MGAT4C: variants seen among roughly 807,000 people sequenced by gnomAD.
The protein encoded by MGAT4C is alpha-1,3-mannosyl-glycoprotein 4-beta-N-acetylglucosaminyltransferase C.
MGAT4C carries 19 observed loss-of-function variants against 40.1 expected under a neutral mutation model. The ratio of observed to expected loss-of-function variants is 0.47; its 90% CI spans 0.33 to 0.70. MGAT4C has a LOEUF of 0.70. Among genes scored for constraint, MGAT4C ranks in the 30% least tolerant of loss-of-function variants. MGAT4C has a pLI of 0.02. For synonymous variants in MGAT4C, 181 were observed against 187.1 expected, an observed-to-expected ratio of 0.97 and a Z score of 0.27; for missense variants, 491 against 563.2, an observed-to-expected ratio of 0.87 and a Z score of 1.30.
Position 86,552,123 on chromosome 12 carries a change from G to A in MGAT4C, c.-228-116858C>T, listed in dbSNP as rs547308254. 2.6e-3 allele frequency among the ~76,000 whole-genome samples: 391 copies of A among 150,114 alleles called. 1 individual carries two copies. The highest frequency in any genetic ancestry group is 0.014 in the Middle Eastern group (4 of 280). ...CATAAGGAAAAATACAAAATTCAAGGAAAAGAATTTATTGTAATAATCTGA... is the reference window on the plus strand; with the variant it reads ...CATAAGGAAAAATACAAAATTCAAGAAAAAGAATTTATTGTAATAATCTGA... On this transcript the variant is annotated intron_variant, in intron 2 of 7. Coordinates refer to the MGAT4C transcript ENST00000548651.
intron 1 of MGAT4C, among the ~76,000 whole-genome samples, chr12:86,185,186 T>C (rs1480730172): frequency 6.6e-6 from 1 of 152,206 alleles, no homozygotes; most frequent in Non-Finnish European, 1.5e-5. Flanking sequence ...CCTTTCCTCC[T>C]TTTGTGTGAC....
At chr12:86,625,496 T>A (rs1005788951) in intron 2 of MGAT4C, among the ~76,000 whole-genome samples, 42 of 152,018 alleles carry the variant, frequency 2.8e-4, no homozygotes, top group African/African-American at 9.9e-4. Flanking sequence ...CTAGAGGGGA[T>A]CAACAATAGC....
intron 2 of MGAT4C, among the ~76,000 whole-genome samples, chr12:86,639,658 C>A (rs897719296): frequency 6.6e-6 from 1 of 151,632 alleles, no homozygotes; most frequent in Non-Finnish European, 1.5e-5. Flanking sequence ...TATCATTTTA[C>A]AATTATCTGG....
intron 1 of MGAT4C, among the ~76,000 whole-genome samples, chr12:86,774,269 T>G (rs1163571081): frequency 2.3e-5 from 3 of 129,280 alleles, no homozygotes; most frequent in Admixed American, 7.7e-5. Context: ...AAAAAGTAAC[T>G]TCTAAGGCTT....
chr12:86,154,544 A>G (rs756002005), intron 1 of MGAT4C, among the ~76,000 whole-genome samples: 1 of 152,062 alleles, frequency 6.6e-6, no homozygotes, highest in African/African-American at 2.4e-5. Flanking sequence ...TGCTTCTTGT[A>G]ACTTCTTTTG....
intron 4 of MGAT4C, among the ~76,000 whole-genome samples, chr12:86,324,773 G>C (rs1049845111): frequency 6.6e-6 from 1 of 151,440 alleles, no homozygotes; most frequent in African/African-American, 2.4e-5. Flanking sequence ...TTTGCTCTCT[G>C]CCCCAGATTT....
chr12:86,750,186 T>C (rs1338659872), intron 1 of MGAT4C, among the ~76,000 whole-genome samples: 1 of 151,768 alleles, frequency 6.6e-6, no homozygotes, highest in African/African-American at 2.4e-5. Context: ...AATCCTTTCA[T>C]AAGAACTAAA....
chr12:86,262,238 A>G (rs928201792), intron 4 of MGAT4C, among the ~76,000 whole-genome samples: 2 of 152,024 alleles, frequency 1.3e-5, no homozygotes, highest in African/African-American at 2.4e-5. Context: ...AGTTGTTTCT[A>G]CCTGGAATGC....
intron 2 of MGAT4C, among the ~76,000 whole-genome samples, chr12:86,449,860 G>T (rs1957395591): frequency 6.6e-6 from 1 of 151,980 alleles, no homozygotes; most frequent in Admixed American, 6.6e-5. Flanking sequence ...AGATATTTTT[G>T]TTCATTAATA....
intron 1 of MGAT4C, among the ~76,000 whole-genome samples, chr12:86,792,231 A>G (rs915444326): frequency 1.3e-5 from 2 of 152,214 alleles, no homozygotes; most frequent in African/African-American, 4.8e-5. Context: ...TACTACCTAA[A>G]AGATAGTTTT....
At position 86,685,385 on chromosome 12, in the gene MGAT4C, A is replaced by G. The variant is rs919371571; in HGVS notation, c.-229+41824T>C. Among the ~76,000 whole-genome samples, 15 of 152,194 alleles carry G rather than the reference A, an allele frequency of 9.9e-5. No homozygotes were observed. The East Asian group carries it at 2.3e-3, about 24-fold the overall frequency. On this transcript the variant is annotated intron_variant, in intron 2 of 7. Transcript: ENST00000548651. ...ATTTCTGAGGCCTCCGTTCTGTTCCATTGGTCTATATATCTGTTTTGGTAC... is the reference window on the plus strand; with the variant it reads ...ATTTCTGAGGCCTCCGTTCTGTTCCGTTGGTCTATATATCTGTTTTGGTAC...
chr12:86,804,340 G>A (rs1313125086), intron 1 of MGAT4C, among the ~76,000 whole-genome samples: 10 of 146,536 alleles, frequency 6.8e-5, no homozygotes, highest in African/African-American at 1.5e-4. Context: ...TGGGTGCAGC[G>A]CACCAGCACG....
intron 2 of MGAT4C, among the ~76,000 whole-genome samples, chr12:86,617,324 A>G (rs1469472835): frequency 6.6e-6 from 1 of 152,218 alleles, no homozygotes; most frequent in East Asian, 1.9e-4. Context: ...TATCATTGCG[A>G]TCTGCATCCA....
chr12:86,085,693 G>GA (rs1377317528), intron 1 of MGAT4C, among the ~76,000 whole-genome samples: 1 of 151,854 alleles, frequency 6.6e-6, no homozygotes, highest in South Asian at 2.1e-4. Context: ...AAATTTACAA[G>GA]AAAAAAACAA....
chr12:86,291,129 C>T (rs1173380764), intron 4 of MGAT4C, among the ~76,000 whole-genome samples: 1 of 152,120 alleles, frequency 6.6e-6, no homozygotes, highest in African/African-American at 2.4e-5. Flanking sequence ...AGAGGCATGA[C>T]AGCAAGATAG....
chr12:86,352,986 G>T (rs1316791060), intron 3 of MGAT4C, among the ~76,000 whole-genome samples: 2 of 150,382 alleles, frequency 1.3e-5, no homozygotes, highest in African/African-American at 4.9e-5. Flanking sequence ...CCTGCACATT[G>T]TGCACATGTA....
chr12:86,157,122 G>C (rs1885038147), intron 1 of MGAT4C, among the ~76,000 whole-genome samples: 1 of 95,354 alleles, frequency 1.0e-5, no homozygotes, highest in East Asian at 3.2e-4. Flanking sequence ...TTTGCTTTAG[G>C]CAAAATATGA....
chr12:86,298,000 G>A (rs1428509686), intron 4 of MGAT4C, among the ~76,000 whole-genome samples: 2 of 152,144 alleles, frequency 1.3e-5, no homozygotes, highest in Non-Finnish European at 2.9e-5. Flanking sequence ...GGATGTAATT[G>A]ATAGGTTGTT....
At chr12:86,533,845 T>A (rs543880725) in intron 2 of MGAT4C, among the ~76,000 whole-genome samples, 11 of 151,336 alleles carry the variant, frequency 7.3e-5, no homozygotes, top group Non-Finnish European at 1.3e-4. Context: ...TTTCTCATTA[T>A]ATATTCTTCC....
Sources: allele counts gnomAD v4.1 joint callset (sites outside exome capture counted in the v4.1 genomes callset), GRCh38; gene constraint gnomAD v4.1.1; transcripts MANE v1.5; gene names NCBI Gene and HGNC (gene_info 2026-07-23, HGNC 2026-07-21).